ATP8A2: variants seen among roughly 807,000 people sequenced by gnomAD.
The protein encoded by ATP8A2 is ATPase phospholipid transporting 8A2.
In ATP8A2, 100 loss-of-function variants were observed where a neutral mutation model predicts 165.6. That is an observed-to-expected ratio of 0.60 (90% confidence interval 0.51 to 0.71). The LOEUF is 0.71. Among genes scored for constraint, ATP8A2 ranks in the 30% least tolerant of loss-of-function variants. The pLI is 0.00. For missense variants in ATP8A2, 1,227 were observed against 1,479.5 expected (o/e 0.83, Z 2.80); for synonymous variants, 543 against 548.8 (o/e 0.99, Z 0.15).
intron 2 of ATP8A2, among the ~76,000 whole-genome samples, chr13:25,511,316 C>A (rs1342318344): frequency 1.3e-5 from 2 of 152,004 alleles, no homozygotes; most frequent in Non-Finnish European, 2.9e-5. Context: ...AATAAATATC[C>A]CAGAATAATC....
intron 2 of ATP8A2, among the ~76,000 whole-genome samples, chr13:25,502,025 A>T (rs2036868715): frequency 6.6e-6 from 1 of 152,220 alleles, no homozygotes; most frequent in Non-Finnish European, 1.5e-5. Flanking sequence ...AGGCATTGTG[A>T]ATTTATTAAC....
rs528159102 is a variant in ATP8A2 at position 25,597,272 on chromosome 13, A to AT, written c.2211+7575dup. 2.4e-4 allele frequency among the ~76,000 whole-genome samples: 37 copies of AT among 152,098 alleles called. No individual in the cohort carries two copies. The South Asian group carries it at 7.5e-3, about 31-fold the overall frequency. On this transcript the variant is annotated intron_variant, in intron 24 of 36. Coordinates refer to ENST00000381655, the MANE Select transcript of ATP8A2 (RefSeq NM_016529.6). The stretch of plus-strand genomic sequence containing the variant: ...ATAGACCCTAGGCTGGCCTCCAATA[A>AT]TTCCTGCCTCCTGGTGTCTACACCT...
intron 25 of ATP8A2, 90 bp from the exon 26 acceptor site, chr13:25,768,956 A>T: frequency 8.0e-7 from 1 of 1,248,204 alleles, no homozygotes; most frequent in Admixed American, 1.7e-5. Context: ...ATCGTCCAGT[A>T]ACTGTCCTTT....
At chr13:25,826,810 T>C (rs1951329254) in intron 27 of ATP8A2, among the ~76,000 whole-genome samples, 1 of 151,546 alleles carries the variant, frequency 6.6e-6, no homozygotes, top group Non-Finnish European at 1.5e-5. Context: ...GTTTGCTTCC[T>C]TCTAAGTCAG....
intron 33 of ATP8A2, among the ~76,000 whole-genome samples, chr13:25,932,419 G>A (rs946024530): frequency 1.3e-5 from 2 of 152,132 alleles, no homozygotes; most frequent in Non-Finnish European, 2.9e-5. Context: ...CCCCACAAAG[G>A]AAAATAAACA....
At chr13:26,018,134 C>T (rs1593723714) in intron 36 of ATP8A2, among the ~76,000 whole-genome samples, 1 of 152,352 alleles carries the variant, frequency 6.6e-6, no homozygotes, top group African/African-American at 2.4e-5. Context: ...AACTCTCAGG[C>T]CACCTCTGCA....
intron 2 of ATP8A2, among the ~76,000 whole-genome samples, chr13:25,505,204 G>C (rs868144105): frequency 7.1e-6 from 1 of 139,898 alleles, no homozygotes; most frequent in African/African-American, 2.8e-5. Context: ...CGGCGGGGCG[G>C]GGGGGGGTGG....
intron 33 of ATP8A2, among the ~76,000 whole-genome samples, chr13:25,951,163 G>A (rs530737404): frequency 3.3e-5 from 5 of 152,142 alleles, no homozygotes; most frequent in South Asian, 2.1e-4. Context: ...ATGTCCACAC[G>A]CAAAAAAAGA....
intron 27 of ATP8A2, among the ~76,000 whole-genome samples, chr13:25,795,965 T>A (rs187135605): frequency 0.034 from 5,169 of 151,622 alleles, 104 homozygotes; most frequent in South Asian, 0.07. Flanking sequence ...TTTTTTTTTT[T>A]AAAAGACAGG....
chr13:26,009,470 G>C, intron 35 of ATP8A2, among the ~76,000 whole-genome samples: 1 of 152,204 alleles, frequency 6.6e-6, no homozygotes, highest in East Asian at 1.9e-4. Context: ...TCCAGGTTCT[G>C]TTCACATCCC....
At chr13:25,858,364 G>A (rs566414527) in intron 30 of ATP8A2, among the ~76,000 whole-genome samples, 3 of 152,138 alleles carry the variant, frequency 2.0e-5, no homozygotes, top group Middle Eastern at 3.4e-3. Context: ...TCTCCCCTAA[G>A]CTTTGAGACC....
intron 33 of ATP8A2, chr13:25,880,938 A>G (rs1461444689): frequency 1.1e-5 from 5 of 456,456 alleles, no homozygotes; most frequent in Non-Finnish European, 2.2e-5. Context: ...TTTCTGTGCA[A>G]AATTCAGCAT....
intron 24 of ATP8A2, among the ~76,000 whole-genome samples, chr13:25,688,937 T>C (rs2042664822): frequency 6.6e-6 from 1 of 152,258 alleles, no homozygotes; most frequent in Non-Finnish European, 1.5e-5. Flanking sequence ...ATTTAGAATA[T>C]TTTTAAATGA....
At chr13:25,387,014 A>G (rs1473273698) in intron 1 of ATP8A2, among the ~76,000 whole-genome samples, 1 of 151,978 alleles carries the variant, frequency 6.6e-6, no homozygotes, top group Non-Finnish European at 1.5e-5. Flanking sequence ...ACAGAACAAA[A>G]CAAAACAAAA....
At chr13:25,794,854 CACACA>C (rs1950465783) in intron 27 of ATP8A2, among the ~76,000 whole-genome samples, 1 of 151,486 alleles carries the variant, frequency 6.6e-6, no homozygotes, top group Non-Finnish European at 1.5e-5. Context: ...CACACACACA[CACACA>C]CCTTCTCTCT....
chr13:25,505,927 A>C (rs542486406), intron 2 of ATP8A2, among the ~76,000 whole-genome samples: 1 of 152,176 alleles, frequency 6.6e-6, no homozygotes, highest in Non-Finnish European at 1.5e-5. Context: ...CGCGATAGAG[A>C]AAGGAAAATG....
At chr13:25,806,477 A>G (rs537993602) in intron 27 of ATP8A2, among the ~76,000 whole-genome samples, 13 of 152,160 alleles carry the variant, frequency 8.5e-5, no homozygotes, top group African/African-American at 3.1e-4. Context: ...ATTACCAGGA[A>G]TGTCATCTGT....
intron 27 of ATP8A2, among the ~76,000 whole-genome samples, chr13:25,788,674 T>C (rs1308389830): frequency 2.6e-5 from 4 of 152,242 alleles, no homozygotes; most frequent in Non-Finnish European, 5.9e-5. Flanking sequence ...TAAACATGGC[T>C]GTTATATATT....
At chr13:25,828,239 T>A in intron 28 of ATP8A2, 47 bp downstream of exon 28, 1 of 1,397,708 alleles carries the variant, frequency 7.2e-7, no homozygotes, top group Non-Finnish European at 1.0e-6. Flanking sequence ...ACTTAGAACT[T>A]CAGTGACATT....
Sources: allele counts gnomAD v4.1 joint callset (sites outside exome capture counted in the v4.1 genomes callset), GRCh38; gene constraint gnomAD v4.1.1; transcripts MANE v1.5; gene names NCBI Gene and HGNC (gene_info 2026-07-23, HGNC 2026-07-21).